Variants in TRPV1 observed in about 807,000 individuals in gnomAD.
The protein encoded by TRPV1 is transient receptor potential cation channel subfamily V member 1.
A neutral mutation model predicts 82.3 loss-of-function variants in TRPV1; 82 were observed. The observed-to-expected ratio is 1.00, with a 90% CI of 0.83 to 1.20. The LOEUF (loss-of-function observed/expected upper bound fraction) is 1.20. Ranked by LOEUF, TRPV1 falls within the 50% of genes most tolerant of loss-of-function variation. TRPV1 has a pLI of 0.00. For synonymous variants in TRPV1, 515 were observed against 467.7 expected, an observed-to-expected ratio of 1.10 and a Z score of -1.30; for missense variants, 1,067 against 1,096.8, an observed-to-expected ratio of 0.97 and a Z score of 0.38.
chr17:3,594,157 C>CAAAAAAAA (rs1567673368), intron 2 of TRPV1, among the ~76,000 whole-genome samples: 13 of 111,224 alleles, frequency 1.2e-4, no homozygotes, highest in African/African-American at 7.9e-4. Flanking sequence ...AAAAAAGAAG[C>CAAAAAAAA]AGCAGCAGCA....
rs767992756 is a variant in TRPV1 at position 3,591,155 on chromosome 17, G to A, written c.451+32C>T. 1.9e-6 allele frequency: 3 copies of A among 1,609,428 alleles called. No individual in the cohort carries two copies. The South Asian group carries it at 3.3e-5, about 18-fold the overall frequency. On this transcript the variant is annotated intron_variant, in intron 4 of 16. Transcript: ENST00000572705. ...GGGAGGGTCAGGGCAGGCCAGGGCT[G>A]GGGCCCTCCCCGAGCCCAGCGCTGG...
rs1567654465 is a variant in TRPV1 at position 3,566,855 on chromosome 17, G to C, written c.2480C>G (p.Ala827Gly). Residue 827 changes from alanine (A) to glycine (G), a missense_variant, in exon 17 of 17, where the codon GCT (alanine) becomes GGT (glycine). Transcript: ENST00000572705. ...QFSGSLKPED[A>G]EVFKSPAASG... Reference sequence around the variant, plus strand: ...AGCGGCAGGACTCTTGAAGACCTCAGCGTCCTCTGGCTTCAGAGACCCTGA... The same window carrying C: ...AGCGGCAGGACTCTTGAAGACCTCACCGTCCTCTGGCTTCAGAGACCCTGA... 6.2e-7 allele frequency: 1 copy of C among 1,614,004 alleles called. No homozygotes were observed. Among genetic ancestry groups the C allele is most frequent in the Non-Finnish European group, 8.5e-7 (1 of 1,179,892 alleles).
chr17:3,599,253 ATATAT>A (rs1242906132), intron 2 of TRPV1, among the ~76,000 whole-genome samples: 1 of 151,992 alleles, frequency 6.6e-6, no homozygotes, highest in Non-Finnish European at 1.5e-5. Context: ...ATATATATTT[ATATAT>A]TATAATAAGT....
intron 2 of TRPV1, among the ~76,000 whole-genome samples, chr17:3,595,505 C>A (rs1449817283): frequency 6.6e-6 from 1 of 152,178 alleles, no homozygotes; most frequent in Admixed American, 6.5e-5. Context: ...ACCTGAAGCA[C>A]CTCTCGCTCA....
At chr17:3,604,284 C>T (rs1436825033) in intron 2 of TRPV1, among the ~76,000 whole-genome samples, 2 of 152,088 alleles carry the variant, frequency 1.3e-5, no homozygotes, top group African/African-American at 2.4e-5. Flanking sequence ...TCTCAAAGAG[C>T]TTTCAGTCCA....
intron 16 of TRPV1, among the ~76,000 whole-genome samples, chr17:3,567,203 CAAA>C (rs1377863255): frequency 9.5e-6 from 1 of 105,178 alleles, no homozygotes; most frequent in Non-Finnish European, 2.0e-5. Flanking sequence ...ACTAAAAATA[CAAA>C]AAAAAAAAAA....
chr17:3,581,983 G>A (rs12945340), intron 10 of TRPV1, among the ~76,000 whole-genome samples: 81,735 of 136,980 alleles, frequency 0.6, 24,445 homozygotes, highest in East Asian at 0.9. Context: ...GAGGTCAGGA[G>A]ATCGAGACCA....
At chr17:3,606,467 C>T (rs1049873996) in intron 2 of TRPV1, among the ~76,000 whole-genome samples, 1 of 152,174 alleles carries the variant, frequency 6.6e-6, no homozygotes, top group Admixed American at 6.5e-5. Flanking sequence ...TCCCTGTGCA[C>T]GTCCCACTGG....
intron 9 of TRPV1, among the ~76,000 whole-genome samples, chr17:3,584,402 C>CAAAAAAAAAAAAAAAAAAA (rs1447579699): frequency 6.0e-4 from 10 of 16,774 alleles, no homozygotes; most frequent in African/African-American, 1.8e-3. Flanking sequence ...GACTCTGTCT[C>CAAAAAAAAAAAAAAAAAAA]AAAAAAAAAA....
In TRPV1 at chr17:3,572,102, A is replaced by G. The variant is rs56127825; in HGVS notation, c.2231+20T>C. 3.7e-6 allele frequency: 6 copies of G among 1,609,256 alleles called. No individual in the cohort carries two copies. The highest frequency in any genetic ancestry group is 1.7e-5 in the Admixed American group (1 of 59,838). ...CCCCAAAGCTCCCAAGCCCTGATTC[A>G]GGTGGAGCCTGGGCATTACCTGAAG... On this transcript the variant is annotated intron_variant, in intron 15 of 16. Coordinates refer to ENST00000572705, the MANE Select transcript of TRPV1 (RefSeq NM_080704.4).
At chr17:3,584,320 G>A (rs757726033) in intron 9 of TRPV1, among the ~76,000 whole-genome samples, 7 of 145,946 alleles carry the variant, frequency 4.8e-5, no homozygotes, top group Non-Finnish European at 1.0e-4. Context: ...GGAGAATGGC[G>A]TGAACCCAGG....
In TRPV1 at chr17:3,589,826, G is replaced by C; in HGVS notation, c.1025C>G (p.Ala342Gly). Residue 342 changes from alanine (A) to glycine (G), a missense_variant, in exon 7 of 17, where the codon GCT becomes GGT. By Grantham distance (60) the Ala-to-Gly change is moderately conservative (BLOSUM62 0). Coordinates refer to ENST00000572705, the MANE Select transcript of TRPV1 (RefSeq NM_080704.4). ...TCTTACCCCGATCTTCCCGGTCCCA[G>C]CTGCCAGAGCCAGCGGCGTCATTCC... ...KKGMTPLALAAGTGKIGVLAY... is the reference protein window; with the variant it reads ...KKGMTPLALAGGTGKIGVLAY... The C allele has an allele frequency of 6.2e-7, 1 of 1,613,292 alleles. No individual in the cohort carries two copies. Among genetic ancestry groups the C allele is most frequent in the Non-Finnish European group, 8.5e-7 (1 of 1,179,472 alleles).
chr17:3,571,740 G>A (rs890348341), intron 15 of TRPV1, 101 bp from the exon 16 acceptor site: 1 of 920,644 alleles, frequency 1.1e-6, no homozygotes, highest in Non-Finnish European at 1.7e-6. Context: ...CCATCAGGAT[G>A]GAGATGTGGT....
chr17:3,595,258 G>A lies in TRPV1; in HGVS notation c.-33-2875C>T, dbSNP rs61116089. On this transcript the variant is annotated intron_variant, in intron 2 of 16. Coordinates refer to ENST00000572705, the MANE Select transcript of TRPV1 (RefSeq NM_080704.4). Reference sequence around the variant, plus strand: ...ATCCCTAAGAGGGAAATACTTCACCGATGAGGAGACCGAGGCACAGAGCAG... The same window carrying A: ...ATCCCTAAGAGGGAAATACTTCACCAATGAGGAGACCGAGGCACAGAGCAG... Among the ~76,000 whole-genome samples the A allele has an allele frequency of 3.7e-3, 569 of 152,212 alleles. 8 individuals are homozygous for A. In the East Asian group the frequency reaches 0.05, roughly 13 times the overall value.
chr17:3,592,569 G>T, intron 2 of TRPV1, 186 bp from the exon 3 acceptor site: 1 of 640,922 alleles, frequency 1.6e-6, no homozygotes, highest in Non-Finnish European at 2.6e-6. Flanking sequence ...AGGCCTCAGA[G>T]GTGAGCAGGC....
In TRPV1 at chr17:3,592,110, C is replaced by A. The variant is rs2075166233; in HGVS notation, c.241G>T (p.Val81Phe). The A allele has an allele frequency of 1.9e-6, 3 of 1,613,890 alleles. No individual in the cohort carries two copies. In the Middle Eastern group the frequency reaches 5.0e-4, roughly 266 times the overall value. The change falls in exon 3 of 17, where the codon GTT becomes TTT. Residue 81 changes from valine (V) to phenylalanine (F), a missense_variant. Coordinates refer to ENST00000572705, the MANE Select transcript of TRPV1 (RefSeq NM_080704.4). ...DSCPTITVSPVITIQRPGDGP... is the reference protein window; with the variant it reads ...DSCPTITVSPFITIQRPGDGP... ...TCTCCTGGCCTCTGGATGGTGATAA[C>A]AGGGCTGACTGTGATGGTCGGGCAG...
chr17:3,573,666 G>A lies in TRPV1; in HGVS notation c.2070C>T (p.Ile690=), dbSNP rs200749766. 1.6e-5 allele frequency: 26 copies of A among 1,613,730 alleles called. No individual in the cohort carries two copies. In the African/African-American group the frequency reaches 1.7e-4, roughly 11 times the overall value. The change falls in exon 14 of 17, where the codon ATC becomes ATT. Residue 690 remains isoleucine, a synonymous_variant. Transcript: ENST00000572705. Reference sequence around the variant, plus strand: ...TCCAGATGTTCTTGCTCTCCTGTGCGATCTTGTTGACAGTCTCACCCATGA... The same window carrying A: ...TCCAGATGTTCTTGCTCTCCTGTGCAATCTTGTTGACAGTCTCACCCATGA... ...IALMGETVNK[I]AQESKNIWKL... is the part of the protein sequence containing the mutation.
chr17:3,573,397 C>T (rs1222807087), intron 14 of TRPV1, among the ~76,000 whole-genome samples: 6 of 152,174 alleles, frequency 3.9e-5, no homozygotes, highest in African/African-American at 1.4e-4. Context: ...GCTGGAAGTC[C>T]ACTGAGGGAG....
intron 13 of TRPV1, 73 bp from the exon 14 acceptor site, chr17:3,574,028 C>T: frequency 7.8e-7 from 1 of 1,280,622 alleles, no homozygotes; most frequent in African/African-American, 1.5e-5. Flanking sequence ...ATACACCCTC[C>T]TGCTCAGTCA....
Sources: allele counts gnomAD v4.1 joint callset (sites outside exome capture counted in the v4.1 genomes callset), GRCh38; gene constraint gnomAD v4.1.1; transcripts MANE v1.5; gene names NCBI Gene and HGNC (gene_info 2026-07-23, HGNC 2026-07-21).